The following IL4R variants were observed in gnomAD, a reference collection of about 807,000 sequenced individuals.
IL4R encodes interleukin 4 receptor.
In IL4R, 17 loss-of-function variants were observed where a neutral mutation model predicts 41.5. That is an observed-to-expected ratio of 0.41 (90% CI 0.28 to 0.61). IL4R has a LOEUF of 0.61. Among genes scored for constraint, IL4R ranks in the 20% least tolerant of loss-of-function variants. The pLI, the probability that IL4R is intolerant of heterozygous loss-of-function variation, is 0.31. For missense variants in IL4R, 974 were observed against 1,043.1 expected (o/e 0.93, Z 0.91); for synonymous variants, 402 against 422.9 (o/e 0.95, Z 0.61).
Position 27,362,609 on chromosome 16 carries a change from TG to T in IL4R, c.1262del (p.Gly421AlafsTer62). ...LFLDLLGEEN[G>X]GFCQQDMGES... ...TCCTGGACCTGCTCGGAGAGGAGAA[TG>T]GGGGCTTTTGCCAGCAGGACATGGG... On this transcript the variant is annotated frameshift_variant, in exon 11 of 11. Coordinates refer to ENST00000395762, the MANE Select transcript of IL4R (RefSeq NM_000418.4). LOFTEE classifies it low-confidence loss of function (END_TRUNC). The T allele has an allele frequency of 6.2e-7, 1 of 1,614,092 alleles. No individual in the cohort carries two copies. The highest frequency in any genetic ancestry group is 1.3e-5 in the African/African-American group (1 of 74,998).
At chr16:27,353,756 C>T (rs3024690) in intron 7 of IL4R, among the ~76,000 whole-genome samples, 3,420 of 152,248 alleles carry the variant, frequency 0.022, 101 homozygotes, top group Non-Finnish European at 0.025. Flanking sequence ...ATCTTGGCTT[C>T]CCAAAGTGCT....
rs1001030720 is a variant in IL4R, at chr16:27,342,004, G to A, written c.71-117G>A. 5.6e-5 allele frequency: 62 copies of A among 1,116,266 alleles called. No individual in the cohort carries two copies. The East Asian group carries it at 1.3e-3, about 23-fold the overall frequency. 69.1% of individuals were successfully genotyped at this position (1,116,266 alleles called of 1,614,324 possible). A position where few individuals can be genotyped will look rare whatever the true frequency, so the allele number is the denominator to read the frequency against. ...CCTGGCCCCAGCTCTGTGGGCGCTG[G>A]CCCTCAACTTTGCCTGCACTGTGCT... On this transcript the variant is annotated intron_variant, in intron 3 of 10. Coordinates refer to ENST00000395762, the MANE Select transcript of IL4R (RefSeq NM_000418.4).
chr16:27,359,310 C>T (rs1248163470), intron 9 of IL4R, among the ~76,000 whole-genome samples: 1 of 152,174 alleles, frequency 6.6e-6, no homozygotes, highest in Non-Finnish European at 1.5e-5. Context: ...AGTACCAGGG[C>T]TAGAGGCCAG....
intron 4 of IL4R, among the ~76,000 whole-genome samples, chr16:27,343,519 C>T (rs758962398): frequency 7.2e-5 from 11 of 152,094 alleles, no homozygotes; most frequent in African/African-American, 1.2e-4. Context: ...CTCTGCCTCC[C>T]GGGTTCAAGC....
chr16:27,315,761 T>C (rs1190342684), intron 1 of IL4R, among the ~76,000 whole-genome samples: 2 of 152,178 alleles, frequency 1.3e-5, no homozygotes, highest in African/African-American at 2.4e-5. Flanking sequence ...CTTGGGCCAG[T>C]GTATTCACCT....
chr16:27,341,410 A>G (rs955601859), intron 3 of IL4R: 12 of 554,340 alleles, frequency 2.2e-5, no homozygotes, highest in Non-Finnish European at 3.5e-5. Context: ...TAACATGGTA[A>G]GCCCTTATGC....
intron 4 of IL4R, among the ~76,000 whole-genome samples, chr16:27,344,364 CAAAAAAA>C (rs34638911): frequency 4.4e-5 from 5 of 112,922 alleles, no homozygotes; most frequent in Non-Finnish European, 9.6e-5. Context: ...TACAAATAAC[CAAAAAAA>C]AAAAAAAAAA....
At chr16:27,339,334 C>CAAAAT (rs2085362901) in intron 2 of IL4R, among the ~76,000 whole-genome samples, 2 of 152,082 alleles carry the variant, frequency 1.3e-5, no homozygotes, top group Non-Finnish European at 1.5e-5. Context: ...TTGTAAATTA[C>CAAAAT]CTGCTCTAAG....
intron 1 of IL4R, among the ~76,000 whole-genome samples, chr16:27,314,860 A>T (rs1847221321): frequency 6.6e-6 from 1 of 152,172 alleles, no homozygotes; most frequent in South Asian, 2.1e-4. Flanking sequence ...ATTTTTAAAA[A>T]TTTATTTTAT....
intron 1 of IL4R, among the ~76,000 whole-genome samples, chr16:27,315,908 G>A (rs576135684): frequency 6.6e-6 from 1 of 152,298 alleles, no homozygotes; most frequent in Admixed American, 6.5e-5. Flanking sequence ...AACACATGCA[G>A]TTACCGGCAG....
chr16:27,363,283 ACCCTGCCCCAGT>A lies in IL4R; in HGVS notation c.1937_1948del (p.Ala646_Pro649del), dbSNP rs1342106409. 6.2e-6 allele frequency: 10 copies of A among 1,603,876 alleles called. No homozygotes were observed. The highest frequency in any genetic ancestry group is 8.5e-6 in the Non-Finnish European group (10 of 1,174,160). On this transcript the variant is annotated inframe_deletion, in exon 11 of 11. Coordinates refer to ENST00000395762, the MANE Select transcript of IL4R (RefSeq NM_000418.4). Reference sequence around the variant, plus strand: ...GACCTCATTCCTGGCTGCCCTGGGGACCCTGCCCCAGTCCCTGTCCCCTTGTTCACCTTTGGA... The same window carrying A: ...GACCTCATTCCTGGCTGCCCTGGGGACCCTGTCCCCTTGTTCACCTTTGGA...
At chr16:27,326,412 T>C (rs1379084348) in intron 1 of IL4R, among the ~76,000 whole-genome samples, 3 of 150,954 alleles carry the variant, frequency 2.0e-5, no homozygotes, top group Admixed American at 2.0e-4. Flanking sequence ...AGGCAGGAGG[T>C]TTGCTTGAGG....
chr16:27,345,088 G>A lies in IL4R; in HGVS notation c.361+68G>A, dbSNP rs2085593692. 9.0e-7 allele frequency: 1 copy of A among 1,115,736 alleles called. No homozygotes were observed. Among genetic ancestry groups the A allele is most frequent in the Non-Finnish European group, 1.3e-6 (1 of 762,006 alleles). 69.1% of individuals were successfully genotyped at this position (1,115,736 alleles called of 1,614,324 possible). ...CACAGCTGCCTGGGCTGAGGGTGGG[G>A]TGGGCAGGGGAGGAGGTGGGGTCAT... is the stretch of plus-strand genomic sequence containing the variant. On this transcript the variant is annotated intron_variant, in intron 5 of 10. Coordinates refer to ENST00000395762, the MANE Select transcript of IL4R (RefSeq NM_000418.4). This position sits in a 1 kb window ranked among gnomAD's most constrained non-coding sequence, Gnocchi z 4.5.
intron 9 of IL4R, among the ~76,000 whole-genome samples, chr16:27,360,229 G>T (rs960041258): frequency 6.6e-6 from 1 of 152,136 alleles, no homozygotes; most frequent in African/African-American, 2.4e-5. Context: ...GGTCAGGCTG[G>T]TCTGGAACTC....
chr16:27,364,056 G>T lies in IL4R; in HGVS notation c.*226G>T. The T allele has an allele frequency of 1.9e-6, 1 of 533,298 alleles. No homozygotes were observed. Among genetic ancestry groups the T allele is most frequent in the Non-Finnish European group, 3.3e-6 (1 of 305,592 alleles). 33.0% of individuals were successfully genotyped at this position (533,298 alleles called of 1,614,324 possible). A position where few individuals can be genotyped will look rare whatever the true frequency, so the allele number is the denominator to read the frequency against. On this transcript the variant is annotated 3_prime_UTR_variant, in exon 11 of 11. Transcript: ENST00000395762. The stretch of plus-strand genomic sequence containing the variant: ...TCGCCACATCCCATGAGAGTAGAGG[G>T]CACTGGGTCGCCGTGCCCCACGGCA...
chr16:27,346,627 G>T lies in IL4R; in HGVS notation c.513+9G>T. 6.2e-7 allele frequency: 1 copy of T among 1,613,646 alleles called. No homozygotes were observed. Among genetic ancestry groups the T allele is most frequent in the Non-Finnish European group, 8.5e-7 (1 of 1,179,918 alleles). On this transcript the variant is annotated intron_variant, in intron 6 of 10. Coordinates refer to ENST00000395762, the MANE Select transcript of IL4R (RefSeq NM_000418.4). ...AAAACGACCCGGCAGATGTGAGTGG[G>T]CATGCTTTGACGTTTTTCTGTGACC... is the stretch of plus-strand genomic sequence containing the variant.
At chr16:27,314,887 T>C (rs895964298) in intron 1 of IL4R, among the ~76,000 whole-genome samples, 1 of 152,226 alleles carries the variant, frequency 6.6e-6, no homozygotes, top group African/African-American at 2.4e-5. Flanking sequence ...GGTGTCTCAC[T>C]ATGTTGTCCA....
At chr16:27,337,412 A>G (rs2085291893) in intron 2 of IL4R, among the ~76,000 whole-genome samples, 1 of 152,120 alleles carries the variant, frequency 6.6e-6, no homozygotes, top group Non-Finnish European at 1.5e-5. Context: ...CAAAAGAGAA[A>G]TGCTGTTAAT....
chr16:27,344,399 T>C (rs1024897542), intron 4 of IL4R, among the ~76,000 whole-genome samples: 2 of 150,564 alleles, frequency 1.3e-5, no homozygotes, highest in Non-Finnish European at 3.0e-5. Flanking sequence ...TGTGTGGCCT[T>C]TGAAGTCCAA....
Sources: gnomAD v4.1 joint callset for allele counts (sites outside exome capture counted in the v4.1 genomes callset) on GRCh38, gnomAD v4.1.1 for gene constraint, Gnocchi (gnomAD v3.1) non-coding constraint, MANE v1.5 for transcripts, NCBI Gene and HGNC (gene_info 2026-07-23, HGNC 2026-07-21) for gene names.